SLC37A3: variants seen among roughly 807,000 people sequenced by gnomAD.
The protein encoded by SLC37A3 is sugar phosphate exchanger 3.
In SLC37A3, 51 loss-of-function variants were observed where a neutral mutation model predicts 67.1. The observed-to-expected ratio is 0.76, with a 90% confidence interval of 0.61 to 0.96. The LOEUF is 0.96. Among genes scored for constraint, SLC37A3 ranks in the 40% least tolerant of loss-of-function variants. The pLI is 0.00. For missense variants in SLC37A3, 508 were observed against 603.0 expected (o/e 0.84, Z 1.65); for synonymous variants, 214 against 231.4 (o/e 0.92, Z 0.68).
chr7:140,360,041 G>A (rs1797203634), intron 5 of SLC37A3, among the ~76,000 whole-genome samples: 1 of 152,180 alleles, frequency 6.6e-6, no homozygotes, highest in African/African-American at 2.4e-5. Context: ...ACACTCAAAT[G>A]ACAAACACTG....
chr7:140,344,064 G>C (rs80252557), intron 12 of SLC37A3: 141 of 176,414 alleles, frequency 8.0e-4, no homozygotes, highest in Non-Finnish European at 1.4e-3. Context: ...CCCACTGCTG[G>C]AATCAGTTCC....
intron 13 of SLC37A3, among the ~76,000 whole-genome samples, chr7:140,341,227 C>T (rs1796350034): frequency 6.6e-6 from 1 of 152,114 alleles, no homozygotes; most frequent in Admixed American, 6.5e-5. Flanking sequence ...GCCACCACAC[C>T]TAGCCTCATG....
intron 3 of SLC37A3, among the ~76,000 whole-genome samples, chr7:140,379,674 C>G (rs1167277853): frequency 2.0e-5 from 3 of 151,212 alleles, no homozygotes; most frequent in Non-Finnish European, 2.9e-5. Flanking sequence ...GGGTGGATTG[C>G]TTGAGCTCAG....
intron 5 of SLC37A3, among the ~76,000 whole-genome samples, chr7:140,361,984 G>C (rs1255015501): frequency 7.4e-6 from 1 of 134,410 alleles, no homozygotes; most frequent in South Asian, 2.8e-4. Flanking sequence ...TGTCTGGGAA[G>C]TGAGGAGCGT....
At chr7:140,383,186 C>T (rs1267853987) in intron 1 of SLC37A3, among the ~76,000 whole-genome samples, 2 of 149,800 alleles carry the variant, frequency 1.3e-5, no homozygotes, top group Non-Finnish European at 3.0e-5. Flanking sequence ...TTTGAATAAG[C>T]TTGCTTTCAC....
intron 1 of SLC37A3, 145 bp from the exon 2 acceptor site, chr7:140,382,741 G>T: frequency 2.9e-5 from 10 of 344,762 alleles, no homozygotes; most frequent in Non-Finnish European, 5.3e-5. Context: ...AACTGGATTA[G>T]TAATTATGTT....
At chr7:140,391,613 C>T (rs1482849064) in intron 1 of SLC37A3, among the ~76,000 whole-genome samples, 4 of 152,144 alleles carry the variant, frequency 2.6e-5, no homozygotes, top group Non-Finnish European at 5.9e-5. Context: ...AAATCTATCC[C>T]TCCCCTGTGG....
intron 11 of SLC37A3, 66 bp from the exon 12 acceptor site, chr7:140,345,329 C>A (rs375610742): frequency 4.0e-6 from 5 of 1,256,804 alleles, no homozygotes; most frequent in Non-Finnish European, 5.8e-6. Context: ...CTCTGCCAAC[C>A]GTACGCGAAG....
At chr7:140,391,369 A>G (rs1222854885) in intron 1 of SLC37A3, among the ~76,000 whole-genome samples, 1 of 152,230 alleles carries the variant, frequency 6.6e-6, no homozygotes, top group Non-Finnish European at 1.5e-5. Context: ...AGCCTGGCCA[A>G]CATAGTGAAA....
intron 10 of SLC37A3, among the ~76,000 whole-genome samples, chr7:140,346,173 A>G (rs1796551804): frequency 6.6e-6 from 1 of 151,978 alleles, no homozygotes; most frequent in South Asian, 2.1e-4. Context: ...AGGTCAGGAG[A>G]TGGAGACCAT....
chr7:140,351,170 A>G, intron 9 of SLC37A3, 103 bp downstream of exon 9: 5 of 1,153,822 alleles, frequency 4.3e-6, no homozygotes, highest in Non-Finnish European at 6.1e-6. Context: ...AAAATAAAGT[A>G]TCCAACAGAG....
At chr7:140,343,344 G>A (rs1323414404) in intron 13 of SLC37A3, 68 bp downstream of exon 13, 6 of 1,604,952 alleles carry the variant, frequency 3.7e-6, no homozygotes, top group Non-Finnish European at 5.1e-6. Flanking sequence ...AGGCCCAGAG[G>A]GCAGGTTCAC....
intron 3 of SLC37A3, among the ~76,000 whole-genome samples, chr7:140,377,836 G>A (rs753907806): frequency 6.6e-6 from 1 of 151,924 alleles, no homozygotes; most frequent in African/African-American, 2.4e-5. Context: ...TTCAAGTACG[G>A]CCTGGGCAAC....
At chr7:140,355,315 G>A (rs187806367) in intron 7 of SLC37A3, among the ~76,000 whole-genome samples, 18 of 152,066 alleles carry the variant, frequency 1.2e-4, no homozygotes, top group African/African-American at 2.9e-4. Flanking sequence ...GGGTTCAAAC[G>A]ATTCTCCTGC....
At chr7:140,381,472 C>G (rs1798250566) in intron 2 of SLC37A3, among the ~76,000 whole-genome samples, 1 of 151,876 alleles carries the variant, frequency 6.6e-6, no homozygotes, top group Admixed American at 6.6e-5. Context: ...CTGCAGTGAA[C>G]CGTGATCACA....
chr7:140,358,329 G>C (rs914375746), intron 6 of SLC37A3, among the ~76,000 whole-genome samples: 4 of 152,162 alleles, frequency 2.6e-5, no homozygotes, highest in African/African-American at 9.7e-5. Flanking sequence ...TAGTAAATGA[G>C]ATTTTTATGT....
intron 12 of SLC37A3, 107 bp downstream of exon 12, chr7:140,345,109 G>T: frequency 1.0e-6 from 1 of 967,828 alleles, no homozygotes; most frequent in Non-Finnish European, 1.6e-6. Flanking sequence ...TGAATTCTCT[G>T]TAATTAAGGT....
chr7:140,341,035 A>T (rs1585249395), intron 13 of SLC37A3, among the ~76,000 whole-genome samples: 1 of 152,210 alleles, frequency 6.6e-6, no homozygotes, highest in East Asian at 1.9e-4. Flanking sequence ...TCCCAGGCTC[A>T]AGCGATCCTC....
Position 140,364,461 on chromosome 7 carries a change from G to C in SLC37A3, c.322C>G (p.Arg108Gly). 1 of 1,613,824 alleles carries C rather than the reference G, an allele frequency of 6.2e-7. No homozygotes were observed. The change falls in exon 5 of 15, where the codon CGG becomes GGG. Residue 108 changes from arginine to glycine, a missense_variant. Transcript: ENST00000326232. ...GACAGAACCCATCGCAAATTCAACC[G>C]ATCCCCAACGATGCCACTGATGAAT... is the stretch of plus-strand genomic sequence containing the variant. ...GLFISGIVGD[R>G]LNLRWVLSFG... is the part of the protein sequence containing the mutation.
Sources: allele counts gnomAD v4.1 joint callset (sites outside exome capture counted in the v4.1 genomes callset), GRCh38; gene constraint gnomAD v4.1.1; transcripts MANE v1.5; gene names NCBI Gene and HGNC (gene_info 2026-07-23, HGNC 2026-07-21).